CPXM2: variants seen among roughly 807,000 people sequenced by gnomAD.
CPXM2 encodes the protein inactive carboxypeptidase-like protein X2.
A neutral mutation model predicts 86.1 loss-of-function variants in CPXM2; 66 were observed. The observed-to-expected ratio is 0.77, with a 90% CI of 0.63 to 0.94. The LOEUF (loss-of-function observed/expected upper bound fraction) is 0.94. Among genes scored for constraint, CPXM2 ranks in the 40% least tolerant of loss-of-function variants. The pLI is 0.00. For synonymous variants in CPXM2, 388 were observed against 400.2 expected (o/e 0.97, Z 0.36); for missense variants, 948 against 1,026.3 (o/e 0.92, Z 1.04).
intron 7 of CPXM2, among the ~76,000 whole-genome samples, chr10:123,779,140 C>T (rs1244164387): frequency 6.6e-6 from 1 of 152,234 alleles, no homozygotes; most frequent in African/African-American, 2.4e-5. Context: ...TTGCTGAATC[C>T]TTGTTCTGTA....
intron 1 of CPXM2, among the ~76,000 whole-genome samples, chr10:123,883,937 C>T (rs535856278): frequency 4.6e-5 from 7 of 152,292 alleles, no homozygotes; most frequent in African/African-American, 1.4e-4. Context: ...ATCTGGGCCG[C>T]GTGACAAAAC....
intron 3 of CPXM2, among the ~76,000 whole-genome samples, chr10:123,855,648 CAGTT>C (rs1848706109): frequency 6.6e-6 from 1 of 152,202 alleles, no homozygotes; most frequent in Non-Finnish European, 1.5e-5. Flanking sequence ...GGATAAAACT[CAGTT>C]GGTTCAATGT....
chr10:123,904,419 G>A (rs1945413707), intron 2 of CPXM2, among the ~76,000 whole-genome samples: 1 of 152,176 alleles, frequency 6.6e-6, no homozygotes, highest in Non-Finnish European at 1.5e-5. Flanking sequence ...TGTGCCTTGG[G>A]GTCTTCATCT....
At chr10:123,840,518 T>C (rs950106626) in intron 4 of CPXM2, among the ~76,000 whole-genome samples, 14 of 152,104 alleles carry the variant, frequency 9.2e-5, no homozygotes, top group African/African-American at 3.1e-4. Context: ...GGGACAGTGG[T>C]GGAGGTGTGG....
intron 4 of CPXM2, among the ~76,000 whole-genome samples, chr10:123,809,947 A>G (rs1411367105): frequency 6.6e-6 from 1 of 152,068 alleles, no homozygotes; most frequent in Admixed American, 6.6e-5. Flanking sequence ...CACCACAAAT[A>G]TAAATAGATT....
intron 9 of CPXM2, 146 bp downstream of exon 9, chr10:123,768,380 T>TAAAC (rs1325350986): frequency 1.8e-4 from 2 of 10,830 alleles, no homozygotes; most frequent in African/African-American, 6.3e-4. Flanking sequence ...ACTCAAAAAA[T>TAAAC]AAATAAATAA....
intron 3 of CPXM2, among the ~76,000 whole-genome samples, chr10:123,857,563 T>TGGAAGGCGGCGTGGAGAC (rs1848754481): frequency 1.5e-5 from 2 of 135,928 alleles, no homozygotes; most frequent in Admixed American, 1.5e-4. Context: ...GGCGTGGAGA[T>TGGAAGGCGGCGTGGAGAC]GGAAGGCGGC....
chr10:123,782,918 C>T (rs181766290), intron 6 of CPXM2, among the ~76,000 whole-genome samples: 4 of 152,302 alleles, frequency 2.6e-5, no homozygotes, highest in African/African-American at 2.4e-5. Context: ...GTAAAGAAGT[C>T]GGGAAAACCC....
intron 4 of CPXM2, among the ~76,000 whole-genome samples, chr10:123,820,932 A>G (rs1450935103): frequency 6.6e-6 from 1 of 152,200 alleles, no homozygotes; most frequent in Non-Finnish European, 1.5e-5. Context: ...CGCTTTTGCC[A>G]TGTAAGGTGA....
At chr10:123,794,898 T>C (rs553378333) in intron 6 of CPXM2, among the ~76,000 whole-genome samples, 1 of 152,006 alleles carries the variant, frequency 6.6e-6, no homozygotes, top group Non-Finnish European at 1.5e-5. Flanking sequence ...CCCTCCCAAG[T>C]AGCTGGGATT....
intron 6 of CPXM2, among the ~76,000 whole-genome samples, chr10:123,793,050 C>T (rs755621278): frequency 1.2e-4 from 19 of 152,268 alleles, no homozygotes; most frequent in Non-Finnish European, 2.6e-4. Flanking sequence ...GAAAGCATGA[C>T]CACAGAAGTT....
intron 2 of CPXM2, among the ~76,000 whole-genome samples, chr10:123,909,259 C>G (rs890123605): frequency 6.6e-6 from 1 of 152,214 alleles, no homozygotes; most frequent in African/African-American, 2.4e-5. Context: ...AGCCCACATC[C>G]CACCTGTAAC....
chr10:123,750,623 G>C, intron 13 of CPXM2: 1 of 959,938 alleles, frequency 1.0e-6, no homozygotes, highest in Non-Finnish European at 1.2e-6. Context: ...TCCTTCACTA[G>C]AATGTGTACT....
intron 1 of CPXM2, among the ~76,000 whole-genome samples, chr10:123,890,025 G>C (rs923188495): frequency 6.6e-6 from 1 of 152,226 alleles, no homozygotes; most frequent in Admixed American, 6.5e-5. Context: ...TCCCAAGCCA[G>C]CAAGTGACGC....
intron 13 of CPXM2, chr10:123,750,874 T>G (rs1846057747): frequency 1.0e-6 from 1 of 985,316 alleles, no homozygotes; most frequent in African/African-American, 1.7e-5. Flanking sequence ...GTTTTCCCCA[T>G]GTCTTCCTTG....
chr10:123,771,496 G>C, intron 7 of CPXM2, among the ~76,000 whole-genome samples: 1 of 152,286 alleles, frequency 6.6e-6, no homozygotes, highest in African/African-American at 2.4e-5. Context: ...GATGCAGCAC[G>C]ATGACGGCCC....
chr10:123,912,071 T>TG (rs1387715107), intron 2 of CPXM2, among the ~76,000 whole-genome samples: 1 of 152,014 alleles, frequency 6.6e-6, no homozygotes, highest in African/African-American at 2.4e-5. Flanking sequence ...ACCTCTCGAC[T>TG]GGGGTTTTCT....
chr10:123,939,865 C>G (rs1239283054), intron 1 of CPXM2, among the ~76,000 whole-genome samples: 2 of 152,204 alleles, frequency 1.3e-5, no homozygotes, highest in African/African-American at 4.8e-5. Flanking sequence ...TGCAGGAACC[C>G]CATGGCTGGC....
intron 4 of CPXM2, among the ~76,000 whole-genome samples, chr10:123,814,416 C>A (rs943886279): frequency 6.6e-6 from 1 of 152,186 alleles, no homozygotes; most frequent in African/African-American, 2.4e-5. Flanking sequence ...GGGACTCAGA[C>A]TGGCTTTCCT....
Sources: allele counts gnomAD v4.1 joint callset (sites outside exome capture counted in the v4.1 genomes callset), GRCh38; gene constraint gnomAD v4.1.1; transcripts MANE v1.5; gene names NCBI Gene and HGNC (gene_info 2026-07-23, HGNC 2026-07-21).